TMEM182: variants seen among roughly 807,000 people sequenced by gnomAD.
The protein encoded by TMEM182 is transmembrane protein 182.
In TMEM182, 20 loss-of-function variants were observed where a neutral mutation model predicts 26.8. That is an observed-to-expected ratio of 0.75 (90% confidence interval 0.53 to 1.09). The LOEUF is 1.09. TMEM182 is among the 50% of genes least tolerant of loss of function. The pLI is 0.00. For synonymous variants in TMEM182, 109 were observed against 102.2 expected, an observed-to-expected ratio of 1.07 and a Z score of -0.40; for missense variants, 277 against 275.5, an observed-to-expected ratio of 1.01 and a Z score of -0.04.
At chr2:102,762,778 T>C (rs778010661) in intron 2 of TMEM182, 92 bp downstream of exon 2, 5 of 1,029,592 alleles carry the variant, frequency 4.9e-6, no homozygotes, top group Non-Finnish European at 5.6e-6. Flanking sequence ...GCGGACTGGA[T>C]TGTGAGTTAC....
downstream of TMEM182, among the ~76,000 whole-genome samples, chr2:102,822,670 C>T (rs1323623960): frequency 1.6e-4 from 25 of 151,986 alleles, no homozygotes; most frequent in Admixed American, 1.6e-3. Context: ...AATGTGGGAT[C>T]AAAATAAAGC....
chr2:102,815,141 A>G lies in TMEM182; in HGVS notation c.*173A>G. On this transcript the variant is annotated 3_prime_UTR_variant, in exon 5 of 5. Transcript: ENST00000412401. ...AGTAAGAAGGTCCTAGAATCTCTCC[A>G]GACACCAGCAAGCCTCTATCTTGTC... 7.0e-7 allele frequency: 1 copy of G among 1,424,686 alleles called. No individual in the cohort carries two copies. The highest frequency in any genetic ancestry group is 9.1e-7 in the Non-Finnish European group (1 of 1,096,600). The allele number at this position is 1,424,686 out of a possible 1,614,324, so 88.3% of individuals were successfully genotyped here.
intron 3 of TMEM182, among the ~76,000 whole-genome samples, chr2:102,826,301 CTTTTTTTTTT>C (rs375776814): frequency 4.0e-4 from 48 of 120,050 alleles, no homozygotes; most frequent in Admixed American, 2.9e-3. Context: ...CTGCAGCTGG[CTTTTTTTTTT>C]TTTTTTTTTT....
intron 1 of TMEM182, among the ~76,000 whole-genome samples, chr2:102,751,570 A>C (rs1353935423): frequency 1.3e-5 from 2 of 152,208 alleles, no homozygotes; most frequent in African/African-American, 4.8e-5. Flanking sequence ...CTTTGTTAGC[A>C]AAGAAAATGA....
chr2:102,832,579 TATA>T lies in TMEM182; in HGVS notation c.326-10829_326-10827del, dbSNP rs529503821. 2.8e-4 allele frequency among the ~76,000 whole-genome samples: 43 copies of T among 152,362 alleles called. No homozygotes were observed. In the South Asian group the frequency reaches 5.6e-3, roughly 20 times the overall value. Reference sequence around the variant, plus strand: ...AAGTTGGAACTATTGCAAGCACATTTATAATATCATTTGAGGGACAGCTGGGGT... The same window carrying T: ...AAGTTGGAACTATTGCAAGCACATTTATATCATTTGAGGGACAGCTGGGGT... On this transcript the variant is annotated intron_variant, in intron 3 of 3. Transcript: ENST00000486293.
intron 1 of TMEM182, among the ~76,000 whole-genome samples, chr2:102,755,542 G>A (rs185405720): frequency 1.3e-5 from 2 of 152,254 alleles, no homozygotes; most frequent in East Asian, 3.9e-4. Context: ...ATCCACCCAG[G>A]CACAGCATGG....
chr2:102,757,099 C>T (rs953805503), upstream of TMEM182, among the ~76,000 whole-genome samples: 8 of 152,022 alleles, frequency 5.3e-5, no homozygotes, highest in Non-Finnish European at 1.2e-4. Context: ...TGTGAGCCAC[C>T]GGGCCTGGCC....
intron 1 of TMEM182, among the ~76,000 whole-genome samples, chr2:102,744,197 A>C (rs144536716): frequency 6.6e-6 from 1 of 152,340 alleles, no homozygotes; most frequent in East Asian, 1.9e-4. Context: ...AAGAATAGAA[A>C]CAATAAAAAC....
At chr2:102,767,419 T>G (rs766049292) in intron 3 of TMEM182, among the ~76,000 whole-genome samples, 3 of 152,166 alleles carry the variant, frequency 2.0e-5, no homozygotes, top group Non-Finnish European at 4.4e-5. Context: ...AGAGTCTAGA[T>G]TTTCTGGTTT....
chr2:102,809,351 CA>C (rs1682466083), intron 4 of TMEM182, among the ~76,000 whole-genome samples: 1 of 152,146 alleles, frequency 6.6e-6, no homozygotes, highest in Non-Finnish European at 1.5e-5. Flanking sequence ...CATAGCTTAT[CA>C]AATTTCTTTT....
upstream of TMEM182, among the ~76,000 whole-genome samples, chr2:102,761,523 AT>A (rs1448437998): frequency 1.3e-5 from 2 of 152,222 alleles, no homozygotes; most frequent in Non-Finnish European, 2.9e-5. Flanking sequence ...TACCATGAAC[AT>A]TCTTGACCTT....
chr2:102,822,080 G>A (rs1374790706), downstream of TMEM182, among the ~76,000 whole-genome samples: 1 of 151,826 alleles, frequency 6.6e-6, no homozygotes, highest in Non-Finnish European at 1.5e-5. Flanking sequence ...TTGTATACAG[G>A]CATCAAAACA....
intron 4 of TMEM182, among the ~76,000 whole-genome samples, chr2:102,801,755 A>G (rs1682149807): frequency 6.6e-6 from 1 of 152,224 alleles, no homozygotes; most frequent in African/African-American, 2.4e-5. Flanking sequence ...TCTCCAGAGT[A>G]CATTCCTTTG....
intron 3 of TMEM182, among the ~76,000 whole-genome samples, chr2:102,768,541 A>C (rs1395906592): frequency 1.3e-5 from 2 of 150,860 alleles, no homozygotes; most frequent in South Asian, 4.2e-4. Context: ...AAAAAAACAC[A>C]CACAAAAAAA....
At chr2:102,786,491 G>T (rs1681402372) in intron 3 of TMEM182, among the ~76,000 whole-genome samples, 1 of 152,160 alleles carries the variant, frequency 6.6e-6, no homozygotes, top group African/African-American at 2.4e-5. Flanking sequence ...GGTATTACAG[G>T]TGTGAGCCAC....
At chr2:102,769,196 G>A (rs1214511775) in intron 3 of TMEM182, among the ~76,000 whole-genome samples, 2 of 152,170 alleles carry the variant, frequency 1.3e-5, no homozygotes, top group East Asian at 3.9e-4. Flanking sequence ...TAGCAACACA[G>A]AAGGGAAATG....
chr2:102,839,222 C>T (rs1278440209), intron 3 of TMEM182, among the ~76,000 whole-genome samples: 1 of 152,024 alleles, frequency 6.6e-6, no homozygotes, highest in African/African-American at 2.4e-5. Flanking sequence ...GAGGATCCCA[C>T]AGATCACATC....
chr2:102,786,210 GTTTTTTTT>G (rs772846502), intron 3 of TMEM182, among the ~76,000 whole-genome samples: 1 of 91,786 alleles, frequency 1.1e-5, no homozygotes, highest in African/African-American at 4.4e-5. Context: ...TCAGCAATCT[GTTTTTTTT>G]TTTTTTTTTT....
intron 2 of TMEM182, among the ~76,000 whole-genome samples, chr2:102,763,438 A>C (rs866851843): frequency 2.0e-4 from 31 of 152,324 alleles, no homozygotes; most frequent in South Asian, 6.2e-4. Flanking sequence ...TGAGAATTGA[A>C]ATTATTAGTC....
Sources: allele counts gnomAD v4.1 joint callset (sites outside exome capture counted in the v4.1 genomes callset), GRCh38; gene constraint gnomAD v4.1.1; transcripts MANE v1.5; gene names NCBI Gene and HGNC (gene_info 2026-07-23, HGNC 2026-07-21).